Variants in SETDB1 observed in about 807,000 individuals in gnomAD.
SETDB1 encodes SET domain bifurcated histone lysine methyltransferase 1, also known as histone-lysine N-methyltransferase SETDB1.
In SETDB1, 31 loss-of-function variants were observed where a neutral mutation model predicts 137.4. The ratio of observed to expected loss-of-function variants is 0.23; its 90% CI spans 0.17 to 0.30. The LOEUF (loss-of-function observed/expected upper bound fraction) is 0.30. Ranked by LOEUF, SETDB1 falls within the 10% of genes least tolerant of loss-of-function variation. The pLI is 1.00. For synonymous variants in SETDB1, 548 were observed against 579.9 expected, an observed-to-expected ratio of 0.95 and a Z score of 0.79; for missense variants, 1,113 against 1,631.5, an observed-to-expected ratio of 0.68 and a Z score of 5.47.
intron 14 of SETDB1, among the ~76,000 whole-genome samples, chr1:150,954,180 G>A (rs1670578607): frequency 6.6e-6 from 1 of 152,200 alleles, no homozygotes; most frequent in Admixed American, 6.5e-5. Flanking sequence ...AAATTAGCCG[G>A]GCATGGTAGA....
chr1:150,945,168 A>C lies in SETDB1; in HGVS notation c.1140+60A>C, dbSNP rs1300592047. The C allele has an allele frequency of 1.9e-6, 3 of 1,604,388 alleles. No homozygotes were observed. In the African/African-American group the frequency reaches 4.0e-5, roughly 21 times the overall value. ...TTGGTGGGGGGGGAACTTAAGAAGC[A>C]GTAATGAGGATGGTTTTATAGCTAT... On this transcript the variant is annotated intron_variant, in intron 9 of 21. Coordinates refer to ENST00000692827, the MANE Select transcript of SETDB1 (RefSeq NM_001366418.1).
At chr1:150,942,469 C>T (rs1670195028) in intron 5 of SETDB1, 94 bp from the exon 6 acceptor site, 2 of 1,075,842 alleles carry the variant, frequency 1.9e-6, no homozygotes, top group East Asian at 5.0e-5. Flanking sequence ...AAAATTACCC[C>T]ACTTTCCCTA....
chr1:150,928,343 C>A (rs1669605598), intron 2 of SETDB1: 1 of 200,672 alleles, frequency 5.0e-6, no homozygotes, highest in Non-Finnish European at 1.0e-5. Context: ...AGTTTATGGT[C>A]AAAAATCTGA....
At position 150,960,612 on chromosome 1, in the gene SETDB1, T is replaced by C; in HGVS notation, c.2553T>C (p.Gly851=). ...DFADKEGLEM[G]DEYFANLDHI... Reference sequence around the variant, plus strand: ...CAGACAAGGAGGGTCTGGAAATGGGTGATGAGTACTTTGCAAATCTGGACC... The same window carrying C: ...CAGACAAGGAGGGTCTGGAAATGGGCGATGAGTACTTTGCAAATCTGGACC... Residue 851 remains glycine (G), a synonymous_variant, in exon 16 of 22, where the codon GGT becomes GGC. Coordinates refer to ENST00000692827, the MANE Select transcript of SETDB1 (RefSeq NM_001366418.1). 6.2e-7 allele frequency: 1 copy of C among 1,612,568 alleles called. No individual in the cohort carries two copies. Among genetic ancestry groups the C allele is most frequent in the Non-Finnish European group, 8.5e-7 (1 of 1,179,818 alleles).
In SETDB1 at chr1:150,943,881, T is replaced by C. The variant is rs1394681764; in HGVS notation, c.876-39T>C. ...TTTCTGTGGATCATGTTAAATATCA[T>C]AACCCCCAGATCTTTCTGCTGTCAC... is the stretch of plus-strand genomic sequence containing the variant. On this transcript the variant is annotated intron_variant, in intron 7 of 21. Coordinates refer to ENST00000692827, the MANE Select transcript of SETDB1 (RefSeq NM_001366418.1). The C allele has an allele frequency of 3.2e-6, 4 of 1,260,984 alleles. No homozygotes were observed. The Admixed American group carries it at 6.9e-5, about 22-fold the overall frequency. 78.1% of individuals were successfully genotyped at this position (1,260,984 alleles called of 1,614,324 possible). A position where few individuals can be genotyped will look rare whatever the true frequency, so the allele number is the denominator to read the frequency against.
intron 3 of SETDB1, among the ~76,000 whole-genome samples, chr1:150,939,513 C>T (rs1571634754): frequency 1.3e-5 from 2 of 150,836 alleles, no homozygotes; most frequent in East Asian, 2.0e-4. Flanking sequence ...TTAGTAGAAA[C>T]GGGGTTTCAC....
chr1:150,949,288 A>C lies in SETDB1; in HGVS notation c.1424+10A>C, dbSNP rs898467748. 6.2e-7 allele frequency: 1 copy of C among 1,612,850 alleles called. No individual in the cohort carries two copies. The highest frequency in any genetic ancestry group is 2.2e-5 in the East Asian group (1 of 44,862). On this transcript the variant is annotated intron_variant, in intron 11 of 21. Transcript: ENST00000692827. The stretch of plus-strand genomic sequence containing the variant: ...AAGCAGGTGACAGTGAGTGAGTGTT[A>C]TTCTTTCTTTTTCTTCAGTTTCTTT...
intron 13 of SETDB1, 105 bp downstream of exon 13, chr1:150,951,195 T>G: frequency 1.5e-6 from 2 of 1,314,816 alleles, no homozygotes; most frequent in Non-Finnish European, 2.1e-6. Context: ...CATCTTCCTT[T>G]ACCTCCTCCC....
At chr1:150,950,389 C>A in intron 12 of SETDB1, 69 bp from the exon 13 acceptor site, 1 of 1,336,198 alleles carries the variant, frequency 7.5e-7, no homozygotes, top group Non-Finnish European at 1.0e-6. Context: ...GGCTTAGCTA[C>A]CTGGAGGGTT....
intron 9 of SETDB1, among the ~76,000 whole-genome samples, chr1:150,946,418 G>A (rs1471780410): frequency 6.6e-6 from 1 of 151,820 alleles, no homozygotes; most frequent in Non-Finnish European, 1.5e-5. Context: ...ACCCATCATG[G>A]ATCCTGGCAC....
Position 150,928,631 on chromosome 1 carries a change from T to C in SETDB1, c.260+657T>C, listed in dbSNP as rs587722702. On this transcript the variant is annotated intron_variant, in intron 2 of 21. Transcript: ENST00000692827. ...GAATACATTGTTTTTAAATTTATTA[T>C]ACTTTAAGTTCTAGGGTATATGTGC... Among the ~76,000 whole-genome samples the C allele has an allele frequency of 3.3e-5, 5 of 152,366 alleles. No homozygotes were observed. In the East Asian group the frequency reaches 9.6e-4, roughly 29 times the overall value.
chr1:150,934,307 CT>C (rs1402900954), intron 3 of SETDB1, among the ~76,000 whole-genome samples: 2 of 152,004 alleles, frequency 1.3e-5, no homozygotes, highest in Non-Finnish European at 2.9e-5. Flanking sequence ...CCCGTCTCTA[CT>C]AAAAATACAA....
rs771057340 is a variant in SETDB1, at chr1:150,949,186, G to C, written c.1332G>C (p.Gln444His). ...YTQDLTGTGT[Q>H]FKPVEPPQPT... is the part of the protein sequence containing the mutation. ...AGGATCTGACCGGTACTGGAACCCA[G>C]TTCAAGCCAGTGGAACCCCCACAGC... The change falls in exon 11 of 22, where the codon CAG becomes CAC. Residue 444 changes from glutamine (Q) to histidine (H), a missense_variant. Gln to His is a conservative substitution (Grantham distance 24). Around this residue, in one of 11 missense-constraint regions of SETDB1, gnomAD observed 192 missense variants for 198.1 expected, o/e 0.97. Coordinates refer to ENST00000692827, the MANE Select transcript of SETDB1 (RefSeq NM_001366418.1). 2 of 1,613,992 alleles carry C rather than the reference G, an allele frequency of 1.2e-6. No individual in the cohort carries two copies. The highest frequency in any genetic ancestry group is 2.2e-5 in the South Asian group (2 of 91,080).
intron 9 of SETDB1, among the ~76,000 whole-genome samples, chr1:150,945,528 C>G (rs1670296490): frequency 6.6e-6 from 1 of 152,136 alleles, no homozygotes; most frequent in South Asian, 2.1e-4. Flanking sequence ...TCCCTTCTCT[C>G]TCCCTTCTTA....
chr1:150,958,847 A>G (rs587636055), intron 14 of SETDB1, among the ~76,000 whole-genome samples: 41 of 152,156 alleles, frequency 2.7e-4, no homozygotes, highest in African/African-American at 9.4e-4. Flanking sequence ...GCTTATTTTA[A>G]TGGCTCTGTA....
chr1:150,960,780 A>AG lies in SETDB1; in HGVS notation c.2722dup (p.Asp908GlyfsTer2). Reference sequence around the variant, plus strand: ...CTGAAGAGTCCAATGATGATAGCTCAGATGATAACTTCTGTAAGGATGAGG... The same window carrying AG: ...CTGAAGAGTCCAATGATGATAGCTCAGGATGATAACTTCTGTAAGGATGAGG... On this transcript the variant is annotated frameshift_variant, in exon 16 of 22. Transcript: ENST00000692827. LOFTEE classifies it high-confidence loss of function. 1 of 1,610,394 alleles carries AG rather than the reference A, an allele frequency of 6.2e-7. No homozygotes were observed. Among genetic ancestry groups the AG allele is most frequent in the Non-Finnish European group, 8.5e-7 (1 of 1,178,148 alleles).
intron 14 of SETDB1, among the ~76,000 whole-genome samples, chr1:150,953,959 A>G (rs1208777089): frequency 6.7e-6 from 1 of 150,182 alleles, no homozygotes; most frequent in African/African-American, 2.4e-5. Flanking sequence ...GGTTCACGCC[A>G]TTCTCCTGCC....
chr1:150,938,337 A>G (rs1272735712), intron 3 of SETDB1, among the ~76,000 whole-genome samples: 1 of 152,114 alleles, frequency 6.6e-6, no homozygotes, highest in Non-Finnish European at 1.5e-5. Flanking sequence ...GCAAATCCAT[A>G]GAGACAGAAA....
chr1:150,926,538 T>TCGCCG, intron 1 of SETDB1, 21 bp downstream of exon 1: 1 of 361,310 alleles, frequency 2.8e-6, no homozygotes, highest in South Asian at 2.1e-5. Flanking sequence ...TACTGTTGAG[T>TCGCCG]TATTTGGTGA....
Sources: allele counts gnomAD v4.1 joint callset (sites outside exome capture counted in the v4.1 genomes callset), GRCh38; gene constraint gnomAD v4.1.1; regional missense constraint gnomAD v4.1.1; transcripts MANE v1.5; gene names NCBI Gene and HGNC (gene_info 2026-07-23, HGNC 2026-07-21).